Variants in WDR70 observed in about 807,000 individuals in gnomAD.
WDR70 encodes WD repeat domain 70.
In WDR70, 53 loss-of-function variants were observed where a neutral mutation model predicts 88.6. The ratio of observed to expected loss-of-function variants is 0.60; its 90% CI spans 0.48 to 0.75. The LOEUF is 0.75. Ranked by LOEUF, WDR70 falls within the 30% of genes least tolerant of loss-of-function variation. WDR70 has a pLI of 0.00. For missense variants in WDR70, 610 were observed against 823.2 expected (o/e 0.74, Z 3.17); for synonymous variants, 280 against 270.0 (o/e 1.04, Z -0.36).
intron 7 of WDR70, among the ~76,000 whole-genome samples, chr5:37,462,926 G>A (rs370190033): frequency 2.6e-5 from 4 of 152,034 alleles, no homozygotes; most frequent in African/African-American, 9.7e-5. Flanking sequence ...GTGGGTTCAG[G>A]AGCATCTCTG....
chr5:37,750,735 G>T (rs552198410), intron 17 of WDR70, among the ~76,000 whole-genome samples: 4 of 152,294 alleles, frequency 2.6e-5, no homozygotes, highest in South Asian at 2.1e-4. Flanking sequence ...TGCCATGTAA[G>T]ACATAACTTT....
At chr5:37,534,661 CTAA>C (rs1325995223) in intron 9 of WDR70, among the ~76,000 whole-genome samples, 2 of 151,988 alleles carry the variant, frequency 1.3e-5, no homozygotes, top group African/African-American at 4.8e-5. Context: ...CCACACCTGG[CTAA>C]TTTTTGTATT....
At chr5:37,636,537 A>G (rs574501936) in intron 10 of WDR70, among the ~76,000 whole-genome samples, 1 of 152,344 alleles carries the variant, frequency 6.6e-6, no homozygotes, top group South Asian at 2.1e-4. Flanking sequence ...ACACTGAAGA[A>G]ACCTGCCAGA....
At chr5:37,591,346 C>T (rs1175677082) in intron 9 of WDR70, among the ~76,000 whole-genome samples, 3 of 152,194 alleles carry the variant, frequency 2.0e-5, no homozygotes, top group East Asian at 1.9e-4. Flanking sequence ...TATCAGACAC[C>T]GATATCTTGA....
intron 4 of WDR70, among the ~76,000 whole-genome samples, chr5:37,393,621 T>G (rs1008442354): frequency 2.0e-5 from 3 of 152,176 alleles, no homozygotes; most frequent in African/African-American, 7.2e-5. Context: ...TTTGGTCATT[T>G]GGAAGCGTGT....
At chr5:37,434,813 A>G (rs907954184) in intron 5 of WDR70, among the ~76,000 whole-genome samples, 1 of 152,224 alleles carries the variant, frequency 6.6e-6, no homozygotes, top group African/African-American at 2.4e-5. Context: ...TCTTGTTATG[A>G]ATTCTGGTAA....
At chr5:37,651,780 C>G (rs1395174685) in intron 10 of WDR70, among the ~76,000 whole-genome samples, 1 of 151,994 alleles carries the variant, frequency 6.6e-6, no homozygotes, top group Non-Finnish European at 1.5e-5. Flanking sequence ...CTGTTCATAT[C>G]CTTTGCCCAC....
At chr5:37,485,317 A>C (rs1052900874) in intron 8 of WDR70, among the ~76,000 whole-genome samples, 8 of 152,250 alleles carry the variant, frequency 5.3e-5, no homozygotes, top group African/African-American at 1.7e-4. Flanking sequence ...CCCCAAAATC[A>C]GTACTCACAG....
At chr5:37,544,294 G>C (rs369036321) in intron 9 of WDR70, among the ~76,000 whole-genome samples, 9 of 152,000 alleles carry the variant, frequency 5.9e-5, no homozygotes, top group African/African-American at 1.9e-4. Context: ...CAAAGAGTAA[G>C]TACATTAAAC....
intron 9 of WDR70, among the ~76,000 whole-genome samples, chr5:37,601,264 T>C (rs1310226338): frequency 6.6e-6 from 1 of 152,254 alleles, no homozygotes; most frequent in African/African-American, 2.4e-5. Flanking sequence ...ATGCTTTTTC[T>C]GCATCTATTG....
chr5:37,695,178 G>C (rs546537531), intron 10 of WDR70, among the ~76,000 whole-genome samples: 1 of 152,076 alleles, frequency 6.6e-6, no homozygotes, highest in Non-Finnish European at 1.5e-5. Flanking sequence ...GAAGGGGGAG[G>C]GAGGTGCCAC....
chr5:37,577,017 T>C (rs747901592), intron 9 of WDR70, among the ~76,000 whole-genome samples: 5 of 152,080 alleles, frequency 3.3e-5, no homozygotes, highest in Non-Finnish European at 5.9e-5. Flanking sequence ...GTGGCATGCT[T>C]CAAAATGGGA....
chr5:37,725,121 G>A, intron 16 of WDR70, 71 bp downstream of exon 16: 3 of 1,370,034 alleles, frequency 2.2e-6, no homozygotes, highest in South Asian at 2.4e-5. Context: ...TATAAAATTG[G>A]GAAGGTCTTT....
intron 9 of WDR70, among the ~76,000 whole-genome samples, chr5:37,525,907 C>G (rs1051977634): frequency 6.6e-6 from 1 of 152,170 alleles, no homozygotes; most frequent in Non-Finnish European, 1.5e-5. Flanking sequence ...TTCCTGGACA[C>G]ATACACCCTC....
intron 13 of WDR70, among the ~76,000 whole-genome samples, chr5:37,706,881 TG>T (rs1348946887): frequency 1.9e-4 from 29 of 152,288 alleles, no homozygotes; most frequent in Admixed American, 5.9e-4. Context: ...AATTCACTTT[TG>T]TTTTTTTTTG....
chr5:37,748,409 T>C (rs761166786), intron 17 of WDR70, among the ~76,000 whole-genome samples: 21 of 152,180 alleles, frequency 1.4e-4, no homozygotes, highest in African/African-American at 4.6e-4. Flanking sequence ...TGGCTAGCCA[T>C]ATGCAGAAAG....
At chr5:37,560,563 A>C (rs532004533) in intron 9 of WDR70, among the ~76,000 whole-genome samples, 1 of 152,102 alleles carries the variant, frequency 6.6e-6, no homozygotes, top group African/African-American at 2.4e-5. Flanking sequence ...CATAAATTAA[A>C]CTTTATTAGT....
chr5:37,728,591 G>A (rs1330618521), intron 17 of WDR70, among the ~76,000 whole-genome samples: 1 of 152,030 alleles, frequency 6.6e-6, no homozygotes, highest in Non-Finnish European at 1.5e-5. Context: ...TATTTGGAAT[G>A]AGACCATGCA....
chr5:37,429,201 T>C (rs147792448), intron 5 of WDR70, among the ~76,000 whole-genome samples: 203 of 152,324 alleles, frequency 1.3e-3, no homozygotes, highest in African/African-American at 4.8e-3. Flanking sequence ...AGGTTGCCTT[T>C]TTATTGAGTT....
Sources: allele counts gnomAD v4.1 joint callset (sites outside exome capture counted in the v4.1 genomes callset), GRCh38; gene constraint gnomAD v4.1.1; transcripts MANE v1.5; gene names NCBI Gene and HGNC (gene_info 2026-07-23, HGNC 2026-07-21).